SGCZ: variants seen among roughly 807,000 people sequenced by gnomAD.
SGCZ encodes the protein sarcoglycan zeta, also known as zeta-sarcoglycan.
SGCZ carries 40 observed loss-of-function variants against 41.3 expected under a neutral mutation model. The ratio of observed to expected loss-of-function variants is 0.97; its 90% confidence interval spans 0.75 to 1.26. The LOEUF (loss-of-function observed/expected upper bound fraction) is 1.26, where lower values mean the gene tolerates loss of function less well. Among genes scored for constraint, SGCZ ranks in the 50% most tolerant of loss-of-function variants. The pLI is 0.00. For synonymous variants in SGCZ, 206 were observed against 137.5 expected (o/e 1.50, Z -3.49); for missense variants, 552 against 369.8 (o/e 1.49, Z -4.04).
chr8:14,313,350 C>T (rs1428415260), intron 3 of SGCZ, among the ~76,000 whole-genome samples: 5 of 152,156 alleles, frequency 3.3e-5, no homozygotes, highest in African/African-American at 9.7e-5. Context: ...CACAGACTCG[C>T]TCTCCCAGGC....
intron 1 of SGCZ, among the ~76,000 whole-genome samples, chr8:15,180,748 A>G (rs930325265): frequency 6.9e-6 from 1 of 144,186 alleles, no homozygotes; most frequent in Non-Finnish European, 1.5e-5. Flanking sequence ...TTAGCCGGGC[A>G]TGGTGGTGGG....
rs370646193 is a variant in SGCZ, at chr8:14,425,347, G to A, written c.235-101143C>T. The stretch of plus-strand genomic sequence containing the variant: ...TTCAAAAAGTACATCTTGGATGGTC[G>A]TGATGGCTCACACCTGTAATCCTAG... On this transcript the variant is annotated intron_variant, in intron 2 of 7. Transcript: ENST00000382080. Among the ~76,000 whole-genome samples, 49 of 152,154 alleles carry A rather than the reference G, an allele frequency of 3.2e-4. 1 individual carries two copies. In the East Asian group the frequency reaches 4.6e-3, roughly 14 times the overall value.
chr8:15,175,223 C>T (rs1254606826), intron 1 of SGCZ, among the ~76,000 whole-genome samples: 1 of 152,148 alleles, frequency 6.6e-6, no homozygotes, highest in African/African-American at 2.4e-5. Context: ...TGTAAAGACA[C>T]ATGCATGCTT....
At chr8:14,671,890 A>T (rs990460544) in intron 1 of SGCZ, among the ~76,000 whole-genome samples, 2 of 152,162 alleles carry the variant, frequency 1.3e-5, no homozygotes, top group Non-Finnish European at 1.5e-5. Context: ...CAACATAAAC[A>T]TACTAATGTA....
intron 4 of SGCZ, among the ~76,000 whole-genome samples, chr8:14,174,140 T>C (rs557716507): frequency 2.6e-5 from 4 of 152,016 alleles, no homozygotes; most frequent in African/African-American, 9.7e-5. Context: ...ACTTAAAAAT[T>C]ATACAGACAG....
chr8:14,411,348 G>C (rs1378815292), intron 2 of SGCZ, among the ~76,000 whole-genome samples: 1 of 152,020 alleles, frequency 6.6e-6, no homozygotes, highest in East Asian at 1.9e-4. Flanking sequence ...TTAGTCATCA[G>C]ATATATAAAA....
At chr8:14,727,386 T>C (rs1338240648) in intron 1 of SGCZ, among the ~76,000 whole-genome samples, 2 of 152,108 alleles carry the variant, frequency 1.3e-5, no homozygotes, top group Non-Finnish European at 1.5e-5. Flanking sequence ...TGCTGGGAAA[T>C]TGAATGGAAA....
intron 3 of SGCZ, among the ~76,000 whole-genome samples, chr8:14,286,677 T>C (rs951735242): frequency 1.3e-5 from 2 of 152,194 alleles, no homozygotes; most frequent in Admixed American, 6.5e-5. Context: ...ATTTACCTAA[T>C]TGTATGTTAT....
intron 4 of SGCZ, among the ~76,000 whole-genome samples, chr8:14,213,346 G>A (rs1161685962): frequency 6.6e-6 from 1 of 152,044 alleles, no homozygotes; most frequent in African/African-American, 2.4e-5. Flanking sequence ...CAATTTGTAT[G>A]GCAGCCAATT....
intron 1 of SGCZ, among the ~76,000 whole-genome samples, chr8:15,036,519 A>G (rs547031099): frequency 6.6e-6 from 1 of 152,276 alleles, no homozygotes; most frequent in Admixed American, 6.5e-5. Context: ...ATGTTTACCT[A>G]TGTAACAAAC....
At chr8:14,660,588 A>G (rs1406603429) in intron 1 of SGCZ, among the ~76,000 whole-genome samples, 1 of 151,286 alleles carries the variant, frequency 6.6e-6, no homozygotes, top group Non-Finnish European at 1.5e-5. Context: ...AAAAAAAAAA[A>G]AAGAGAGAAA....
rs1041356743 is a variant in SGCZ at position 14,164,719 on chromosome 8, G to T, written c.425-17C>A. 4 of 1,610,370 alleles carry T rather than the reference G, an allele frequency of 2.5e-6. No homozygotes were observed. The highest frequency in any genetic ancestry group is 2.2e-5 in the East Asian group (1 of 44,824). ...CATCAGCTCCTATGGTCAGAGGAAA[G>T]GTTTAAAAATGAAACTGGTATGCAG... On this transcript the variant is annotated splice_polypyrimidine_tract_variant and intron_variant, in intron 4 of 7. Transcript: ENST00000382080.
intron 1 of SGCZ, among the ~76,000 whole-genome samples, chr8:14,729,106 G>A (rs1033088107): frequency 1.3e-5 from 2 of 152,082 alleles, no homozygotes; most frequent in East Asian, 1.9e-4. Flanking sequence ...TCTCCCTTAA[G>A]AAACCCATTC....
chr8:14,139,879 CA>C (rs903104151), intron 5 of SGCZ, among the ~76,000 whole-genome samples: 1 of 151,970 alleles, frequency 6.6e-6, no homozygotes, highest in African/African-American at 2.4e-5. Context: ...AGAGACACAA[CA>C]AAAAAACAGA....
At chr8:14,741,155 A>G (rs138282016) in intron 1 of SGCZ, among the ~76,000 whole-genome samples, 2 of 152,166 alleles carry the variant, frequency 1.3e-5, no homozygotes, top group African/African-American at 4.8e-5. Context: ...ACTATGAAGG[A>G]CGGTTGATTC....
At chr8:14,312,559 C>A (rs1025843939) in intron 3 of SGCZ, among the ~76,000 whole-genome samples, 1 of 152,046 alleles carries the variant, frequency 6.6e-6, no homozygotes, top group African/African-American at 2.4e-5. Flanking sequence ...CTTGAAGCTC[C>A]AGTGTGCGAT....
chr8:14,913,415 G>T (rs1054715051), intron 1 of SGCZ, among the ~76,000 whole-genome samples: 2 of 152,012 alleles, frequency 1.3e-5, no homozygotes, highest in Non-Finnish European at 2.9e-5. Flanking sequence ...CATTCTTAAA[G>T]ATTCACTATT....
intron 4 of SGCZ, among the ~76,000 whole-genome samples, chr8:14,180,174 A>G (rs991614291): frequency 6.6e-6 from 1 of 152,182 alleles, no homozygotes; most frequent in Non-Finnish European, 1.5e-5. Context: ...CCCATCACCA[A>G]AAACAGTCTG....
At chr8:14,911,790 T>A (rs558498513) in intron 1 of SGCZ, among the ~76,000 whole-genome samples, 1 of 152,072 alleles carries the variant, frequency 6.6e-6, no homozygotes, top group African/African-American at 2.4e-5. Flanking sequence ...CTTTCATTTA[T>A]TTCCTCAAGT....
Sources: gnomAD v4.1 joint callset for allele counts (sites outside exome capture counted in the v4.1 genomes callset) on GRCh38, gnomAD v4.1.1 for gene constraint, MANE v1.5 for transcripts, NCBI Gene and HGNC (gene_info 2026-07-23, HGNC 2026-07-21) for gene names.